MACF1: variants seen among roughly 807,000 people sequenced by gnomAD.
The protein encoded by MACF1 is microtubule-actin cross-linking factor 1.
In MACF1, 193 loss-of-function variants were observed where a neutral mutation model predicts 854.8. That is an observed-to-expected ratio of 0.23 (90% CI 0.20 to 0.25). The LOEUF is 0.25. Ranked by LOEUF, MACF1 falls within the 10% of genes least tolerant of loss-of-function variation. The pLI, the probability that MACF1 is intolerant of heterozygous loss-of-function variation, is 1.00. For missense variants in MACF1, 7,722 were observed against 8,929.1 expected, an observed-to-expected ratio of 0.86 and a Z score of 5.45; for synonymous variants, 3,185 against 3,226.7, an observed-to-expected ratio of 0.99 and a Z score of 0.44.
intron 58 of MACF1, among the ~76,000 whole-genome samples, chr1:39,389,349 G>GTTTTTTTTTTTTTTTTTTTTTTT (rs1557625833): frequency 9.4e-6 from 1 of 105,892 alleles, no homozygotes; most frequent in African/African-American, 3.9e-5. Context: ...TGGTTTTTGT[G>GTTTTTTTTTTTTTTTTTTTTTTT]TGTTTTTTTT....
At chr1:39,268,388 A>G (rs1275138664) in intron 6 of MACF1, 2 of 930,482 alleles carry the variant, frequency 2.1e-6, no homozygotes, top group Non-Finnish European at 2.6e-6. Flanking sequence ...CAATTACCTC[A>G]TATTTGGAGA....
chr1:39,368,458 T>G (rs1482146607), intron 50 of MACF1, 144 bp downstream of exon 50: 4 of 722,470 alleles, frequency 5.5e-6, no homozygotes, highest in Admixed American at 3.0e-5. Context: ...GAAAAGTGCC[T>G]TTTTTTAGGC....
chr1:39,132,659 T>G (rs1643031374), intron 2 of MACF1, among the ~76,000 whole-genome samples: 1 of 152,208 alleles, frequency 6.6e-6, no homozygotes, highest in African/African-American at 2.4e-5. Context: ...TTCCTCCCCC[T>G]TCCTTCTGGA....
intron 2 of MACF1, among the ~76,000 whole-genome samples, chr1:39,145,345 A>G (rs752345446): frequency 1.3e-5 from 2 of 152,176 alleles, no homozygotes; most frequent in Non-Finnish European, 2.9e-5. Flanking sequence ...AGGCTTTACC[A>G]GTCCTTACCA....
chr1:39,104,874 A>G lies in MACF1; in HGVS notation c.220+20436A>G, dbSNP rs546558824. ...CGTTCTGACCGCGTCTAGCCCTGGG[A>G]TCTGAGGCATCGTGGTCTTTTGCCC... is the stretch of plus-strand genomic sequence containing the variant. On this transcript the variant is annotated intron_variant, in intron 2 of 93. Transcript: ENST00000361689. Among the ~76,000 whole-genome samples, 19 of 152,196 alleles carry G rather than the reference A, an allele frequency of 1.2e-4. No individual in the cohort carries two copies. In the East Asian group the frequency reaches 3.7e-3, roughly 29 times the overall value.
chr1:39,460,872 AAC>A lies in MACF1; in HGVS notation c.21523+80_21523+81del. 6.5e-7 allele frequency: 1 copy of A among 1,531,130 alleles called. No homozygotes were observed. The highest frequency in any genetic ancestry group is 1.7e-4 in the Middle Eastern group (1 of 5,864). The allele number at this position is 1,531,130 out of a possible 1,614,324, so 94.8% of individuals were successfully genotyped here. ...TGTAGAAGCTGTGATATTCTAGCTAAACAGTCTTTCTGAAGCTGGCCAGGAGC... is the reference window on the plus strand; with the variant it reads ...TGTAGAAGCTGTGATATTCTAGCTAAAGTCTTTCTGAAGCTGGCCAGGAGC... On this transcript the variant is annotated intron_variant, in intron 92 of 100. Coordinates refer to ENST00000564288, the MANE Select transcript of MACF1 (RefSeq NM_001394062.1). The surrounding 1 kb of genome is among the most constrained non-coding windows in gnomAD (Gnocchi z 4.1).
rs117497029 is a variant in MACF1 at position 39,156,876 on chromosome 1, C to G, written c.220+72438C>G. 1.2e-3 allele frequency among the ~76,000 whole-genome samples: 190 copies of G among 152,174 alleles called. 5 individuals carry two copies. In the East Asian group the frequency reaches 0.033, roughly 27 times the overall value. On this transcript the variant is annotated intron_variant, in intron 2 of 93. Coordinates refer to the MACF1 transcript ENST00000361689. ...ATAACTCCTAATACTCACATCTGCA[C>G]AAAGTAGTACCTTGCTGGTTCTGTT...
At chr1:39,254,272 A>G in intron 4 of MACF1, 26 bp from the exon 5 acceptor site, 15 of 1,589,546 alleles carry the variant, frequency 9.4e-6, no homozygotes, top group Non-Finnish European at 1.3e-5. Flanking sequence ...GCCAGAATTA[A>G]CATCCCTTTT....
chr1:39,144,312 C>G (rs1326329797), intron 2 of MACF1, among the ~76,000 whole-genome samples: 1 of 151,992 alleles, frequency 6.6e-6, no homozygotes, highest in Non-Finnish European at 1.5e-5. Flanking sequence ...AACTCCTGAC[C>G]TCAGGTGATC....
chr1:39,208,134 A>G (rs77164734), intron 1 of MACF1, among the ~76,000 whole-genome samples: 2 of 144,346 alleles, frequency 1.4e-5, no homozygotes, highest in Non-Finnish European at 3.0e-5. Flanking sequence ...GTCCGTCTCA[A>G]AAAAAAAAAA....
chr1:39,126,464 T>A (rs1642862749), intron 2 of MACF1, among the ~76,000 whole-genome samples: 1 of 152,194 alleles, frequency 6.6e-6, no homozygotes, highest in Non-Finnish European at 1.5e-5. Flanking sequence ...GGTTAGGACA[T>A]CTTTCTGGGG....
chr1:39,242,092 A>G (rs376428357), intron 2 of MACF1, among the ~76,000 whole-genome samples: 2 of 152,352 alleles, frequency 1.3e-5, no homozygotes, highest in East Asian at 3.9e-4. Context: ...TCACGCCTGT[A>G]ATCCCAGCAC....
intron 98 of MACF1, among the ~76,000 whole-genome samples, chr1:39,480,601 G>T (rs1210277240): frequency 6.6e-6 from 1 of 151,846 alleles, no homozygotes; most frequent in Non-Finnish European, 1.5e-5. Context: ...CTGCACTCCA[G>T]CCTGGGCAAC....
chr1:39,300,506 T>TA (rs1317707222), intron 22 of MACF1, 144 bp downstream of exon 22: 87 of 691,676 alleles, frequency 1.3e-4, no homozygotes, highest in Admixed American at 5.6e-4. Context: ...CTCCTATCAT[T>TA]TAAAAAAAAA....
At position 39,333,259 on chromosome 1, in the gene MACF1, T is replaced by G. The variant is rs1353830455; in HGVS notation, c.6671T>G (p.Leu2224Arg). The G allele has an allele frequency of 2.5e-6, 4 of 1,613,926 alleles. No homozygotes were observed. The highest frequency in any genetic ancestry group is 3.4e-6 in the Non-Finnish European group (4 of 1,179,992). The change falls in exon 37 of 101, where the codon CTG (leucine) becomes CGG (arginine). Residue 2224 changes from leucine (L) to arginine (R), a missense_variant. Coordinates refer to ENST00000564288, the MANE Select transcript of MACF1 (RefSeq NM_001394062.1). ...GAAACTGATGGGAATGTTCATCCTC[T>G]GGACAAAAAGGAAATGTTAAAGAAA... ...KSETDGNVHPLDKKEMLKKTF... is the reference protein window; with the variant it reads ...KSETDGNVHPRDKKEMLKKTF...
At chr1:39,242,386 G>A (rs1343276434) in intron 2 of MACF1, among the ~76,000 whole-genome samples, 1 of 149,866 alleles carries the variant, frequency 6.7e-6, no homozygotes, top group Non-Finnish European at 1.5e-5. Flanking sequence ...ACCCCTCCTT[G>A]ACTTATTAAT....
chr1:39,265,871 A>C (rs1645224875), intron 6 of MACF1, among the ~76,000 whole-genome samples: 1 of 152,228 alleles, frequency 6.6e-6, no homozygotes. Context: ...TACTGAGCCA[A>C]GTACTTTATG....
intron 2 of MACF1, among the ~76,000 whole-genome samples, chr1:39,138,509 T>A (rs1643241893): frequency 6.6e-6 from 1 of 150,768 alleles, no homozygotes; most frequent in Admixed American, 6.6e-5. Context: ...GGCGTGAACC[T>A]GGGAGGCGGA....
rs1175390841 is a variant in MACF1, at chr1:39,293,638, C to T, written c.2154+19C>T. On this transcript the variant is annotated intron_variant, in intron 18 of 100. Coordinates refer to ENST00000564288, the MANE Select transcript of MACF1 (RefSeq NM_001394062.1). Reference sequence around the variant, plus strand: ...CTTCTCTGTGAGTCTAGCACAGTAGCAGGCCTGTCATACTTATTTAACAGC... The same window carrying T: ...CTTCTCTGTGAGTCTAGCACAGTAGTAGGCCTGTCATACTTATTTAACAGC... The T allele has an allele frequency of 2.5e-6, 4 of 1,601,382 alleles. No individual in the cohort carries two copies. The African/African-American group carries it at 5.4e-5, about 21-fold the overall frequency.
Sources: gnomAD v4.1 joint callset for allele counts (sites outside exome capture counted in the v4.1 genomes callset) on GRCh38, gnomAD v4.1.1 for gene constraint, Gnocchi (gnomAD v3.1) non-coding constraint, MANE v1.5 for transcripts, NCBI Gene and HGNC (gene_info 2026-07-23, HGNC 2026-07-21) for gene names.